The following FHOD3 variants were observed in gnomAD, a reference collection of about 807,000 sequenced individuals.
FHOD3 encodes formin homology 2 domain containing 3.
A neutral mutation model predicts 173.0 loss-of-function variants in FHOD3; 90 were observed. That is an observed-to-expected ratio of 0.52 (90% CI 0.44 to 0.62). The LOEUF (loss-of-function observed/expected upper bound fraction) is 0.62, where lower values mean the gene tolerates loss of function less well. FHOD3 is among the 20% of genes least tolerant of loss of function. The probability of loss-of-function intolerance (pLI) is 0.00; values close to 1 mark genes in which losing one functional copy is unlikely to be tolerated. For missense variants in FHOD3, 1,945 were observed against 2,034.7 expected, an observed-to-expected ratio of 0.96 and a Z score of 0.85; for synonymous variants, 828 against 823.0, an observed-to-expected ratio of 1.01 and a Z score of -0.10.
chr18:36,434,435 C>T (rs768306898), intron 3 of FHOD3, among the ~76,000 whole-genome samples: 3 of 152,142 alleles, frequency 2.0e-5, no homozygotes, highest in South Asian at 4.1e-4. Context: ...ATGCTTAGGC[C>T]GATGCTATAC....
In FHOD3 at chr18:36,779,527, G is replaced by C. The variant is rs778028894; in HGVS notation, c.4866G>C (p.Leu1622=). 3.7e-6 allele frequency: 6 copies of C among 1,614,058 alleles called. No homozygotes were observed. Among genetic ancestry groups the C allele is most frequent in the Non-Finnish European group, 4.2e-6 (5 of 1,179,946 alleles). ...LGLVGTSELQ[L] The stretch of plus-strand genomic sequence containing the variant: ...TGGTTGGCACCTCGGAGTTGCAGCT[G>C]TGACACTCATAGGTTACTCCCAGGA... The change falls in exon 29 of 29, where the codon CTG becomes CTC. Residue 1622 remains leucine, a synonymous_variant. Coordinates refer to ENST00000590592, the MANE Select transcript of FHOD3 (RefSeq NM_001281740.3).
chr18:36,524,640 G>A (rs1437141272), intron 5 of FHOD3, among the ~76,000 whole-genome samples: 2 of 152,134 alleles, frequency 1.3e-5, no homozygotes, highest in Non-Finnish European at 2.9e-5. Context: ...GGTCCACACA[G>A]TTTCCATCCA....
At chr18:36,353,622 T>C (rs980317817) in intron 1 of FHOD3, among the ~76,000 whole-genome samples, 1 of 152,248 alleles carries the variant, frequency 6.6e-6, no homozygotes, top group Non-Finnish European at 1.5e-5. Flanking sequence ...TGAGTCACTC[T>C]TACAGCTCAA....
intron 16 of FHOD3, among the ~76,000 whole-genome samples, chr18:36,687,578 T>C (rs2038707331): frequency 6.6e-6 from 1 of 152,180 alleles, no homozygotes; most frequent in Admixed American, 6.5e-5. Flanking sequence ...GCACTAGATA[T>C]ATCTGAGACT....
intron 9 of FHOD3, among the ~76,000 whole-genome samples, chr18:36,615,559 T>C (rs35556819): frequency 0.12 from 18,053 of 152,238 alleles, 1,199 homozygotes; most frequent in Non-Finnish European, 0.15. Context: ...AGCAAACATG[T>C]TGGAAACATT....
In FHOD3 at chr18:36,730,668, G is replaced by C; in HGVS notation, c.3440G>C (p.Arg1147Thr). Residue 1147 changes from arginine (R) to threonine (T), a missense_variant, in exon 20 of 29, where the codon AGG becomes ACG. Physicochemically the swap from Arg to Thr is moderately conservative, Grantham distance 71. Around this residue, in one of 5 missense-constraint regions of FHOD3, gnomAD observed 231 missense variants for 321.9 expected, o/e 0.72. Transcript: ENST00000590592. ...VSKKTAADGKRQEIIVLDSKR... is the reference protein window; with the variant it reads ...VSKKTAADGKTQEIIVLDSKR... ...AAGAAAACTGCTGCAGATGGAAAAA[G>C]GCAAGAGATCATTGTTCTGGATTCC... 6.2e-7 allele frequency: 1 copy of C among 1,613,442 alleles called. No individual in the cohort carries two copies. The highest frequency in any genetic ancestry group is 8.5e-7 in the Non-Finnish European group (1 of 1,179,812).
chr18:36,557,108 A>T, intron 5 of FHOD3, among the ~76,000 whole-genome samples: 1 of 152,208 alleles, frequency 6.6e-6, no homozygotes, highest in African/African-American at 2.4e-5. Flanking sequence ...GTTTTCATCA[A>T]TTTGATTATG....
chr18:36,363,661 A>T (rs551944171), intron 2 of FHOD3, among the ~76,000 whole-genome samples: 1 of 152,180 alleles, frequency 6.6e-6, no homozygotes, highest in South Asian at 2.1e-4. Context: ...GTAGGGAGGG[A>T]TGAACAGGTG....
intron 14 of FHOD3, among the ~76,000 whole-genome samples, chr18:36,678,838 T>C (rs1386613557): frequency 1.3e-5 from 2 of 152,158 alleles, no homozygotes; most frequent in African/African-American, 2.4e-5. Context: ...TGTTTCAGAT[T>C]TTTGCGTTGG....
At chr18:36,431,042 T>C (rs1361438499) in intron 3 of FHOD3, among the ~76,000 whole-genome samples, 2 of 152,194 alleles carry the variant, frequency 1.3e-5, no homozygotes, top group Non-Finnish European at 2.9e-5. Flanking sequence ...ATAATTGATA[T>C]GTTATATATC....
chr18:36,748,231 C>G (rs991457555), intron 24 of FHOD3, among the ~76,000 whole-genome samples: 5 of 152,082 alleles, frequency 3.3e-5, no homozygotes, highest in Non-Finnish European at 5.9e-5. Flanking sequence ...GGCTGTCCTT[C>G]CTTCCTCAAG....
chr18:36,384,640 A>G (rs183838983), intron 3 of FHOD3, among the ~76,000 whole-genome samples: 1 of 152,272 alleles, frequency 6.6e-6, no homozygotes, highest in East Asian at 1.9e-4. Context: ...ATAAAGTCAT[A>G]TATTGAGTAT....
intron 3 of FHOD3, among the ~76,000 whole-genome samples, chr18:36,467,380 G>A (rs2053005734): frequency 1.3e-5 from 2 of 152,130 alleles, no homozygotes; most frequent in Non-Finnish European, 2.9e-5. Context: ...TTCCAACCCT[G>A]TATTCCTGAG....
At chr18:36,774,829 G>C (rs748325521) in intron 28 of FHOD3, among the ~76,000 whole-genome samples, 1 of 152,130 alleles carries the variant, frequency 6.6e-6, no homozygotes, top group Non-Finnish European at 1.5e-5. Flanking sequence ...ATCCTACCCA[G>C]GATTCCAGAT....
At position 36,427,075 on chromosome 18, in the gene FHOD3, G is replaced by T. The variant is rs529665971; in HGVS notation, c.337+54331G>T. On this transcript the variant is annotated intron_variant, in intron 3 of 28. Coordinates refer to ENST00000590592, the MANE Select transcript of FHOD3 (RefSeq NM_001281740.3). ...AAAATATAAGAGAAGATTTGAGACA[G>T]TGATTAAGTTCTTCCAAGACTTAAC... Among the ~76,000 whole-genome samples the T allele has an allele frequency of 5.3e-5, 8 of 152,272 alleles. No individual in the cohort carries two copies. The South Asian group carries it at 1.7e-3, about 32-fold the overall frequency.
intron 17 of FHOD3, among the ~76,000 whole-genome samples, chr18:36,698,011 G>A (rs992278319): frequency 6.6e-5 from 10 of 152,172 alleles, no homozygotes; most frequent in South Asian, 6.2e-4. Context: ...CAACTGGCAC[G>A]GTAGCAATGG....
intron 27 of FHOD3, among the ~76,000 whole-genome samples, chr18:36,762,837 T>TAAATATATAATCATATATATTATATACA: frequency 6.8e-6 from 1 of 147,978 alleles, no homozygotes; most frequent in South Asian, 2.1e-4. Flanking sequence ...ATATATATTA[T>TAAATATATAATCATATATATTATATACA]AAATATATAA....
intron 3 of FHOD3, among the ~76,000 whole-genome samples, chr18:36,486,687 G>C (rs1054978779): frequency 6.6e-6 from 1 of 152,166 alleles, no homozygotes; most frequent in Non-Finnish European, 1.5e-5. Context: ...CAACCTTATT[G>C]ACGAGTAATT....
At chr18:36,580,982 A>G (rs1268737094) in intron 6 of FHOD3, among the ~76,000 whole-genome samples, 1 of 152,238 alleles carries the variant, frequency 6.6e-6, no homozygotes, top group Admixed American at 6.5e-5. Flanking sequence ...CTGTGTTTTC[A>G]TAATTCATCA....
Sources: allele counts gnomAD v4.1 joint callset (sites outside exome capture counted in the v4.1 genomes callset), GRCh38; gene constraint gnomAD v4.1.1; regional missense constraint gnomAD v4.1.1; transcripts MANE v1.5; gene names NCBI Gene and HGNC (gene_info 2026-07-23, HGNC 2026-07-21).